KIF14: variants seen among roughly 807,000 people sequenced by gnomAD.
The protein encoded by KIF14 is kinesin family member 14.
KIF14 carries 98 observed loss-of-function variants against 176.2 expected under a neutral mutation model. The ratio of observed to expected loss-of-function variants is 0.56; its 90% CI spans 0.47 to 0.66. KIF14 has a LOEUF of 0.66. Among genes scored for constraint, KIF14 ranks in the 30% least tolerant of loss-of-function variants. The probability of loss-of-function intolerance (pLI) is 0.00; values close to 1 mark genes in which losing one functional copy is unlikely to be tolerated. For synonymous variants in KIF14, 566 were observed against 632.2 expected (o/e 0.90, Z 1.57); for missense variants, 1,751 against 1,920.4 (o/e 0.91, Z 1.65).
intron 14 of KIF14, 121 bp downstream of exon 14, chr1:200,598,092 GAATGTATGTTTTTCCTGACTAAAC>G: frequency 1.5e-6 from 1 of 658,560 alleles, no homozygotes. Flanking sequence ...AACACACTCA[GAATGTATGTTTTTCCTGACTAAAC>G]AATGGGTTTG....
Position 200,603,227 on chromosome 1 carries a change from A to G in KIF14, c.1978T>C (p.Trp660Arg), listed in dbSNP as rs1219620645. Residue 660 changes from tryptophan (W) to arginine (R), a missense_variant and splice_region_variant, in exon 10 of 30, where the codon TGG becomes CGG. By Grantham distance (101) the Trp-to-Arg change is moderately radical. Coordinates refer to ENST00000367350, the MANE Select transcript of KIF14 (RefSeq NM_014875.3). The part of the protein sequence containing the change: ...FIPYRESVLT[W>R]LLKESLGGNS... ...CTTTATACTTCAAAAGATACTTGCC[A>G]TGTAAGAACAGATTCACGATAAGGA... The G allele has an allele frequency of 1.0e-5, 16 of 1,542,848 alleles. No homozygotes were observed. Among genetic ancestry groups the G allele is most frequent in the African/African-American group, 1.4e-5 (1 of 73,784 alleles).
chr1:200,584,928 T>C (rs1385157040), intron 19 of KIF14, among the ~76,000 whole-genome samples: 2 of 152,210 alleles, frequency 1.3e-5, no homozygotes, highest in African/African-American at 4.8e-5. Context: ...ATAGACGACA[T>C]GATCTTATAT....
intron 9 of KIF14, 116 bp downstream of exon 9, chr1:200,603,723 A>G (rs1222299837): frequency 1.5e-6 from 1 of 667,802 alleles, no homozygotes; most frequent in Non-Finnish European, 2.7e-6. Flanking sequence ...AATGCAGTCT[A>G]TAAACTGCAG....
intron 4 of KIF14, among the ~76,000 whole-genome samples, chr1:200,611,203 A>G (rs761024885): frequency 1.3e-5 from 2 of 152,216 alleles, no homozygotes; most frequent in Non-Finnish European, 2.9e-5. Context: ...CAAGCATCTA[A>G]CAGAATTGGA....
Position 200,615,443 on chromosome 1 carries a change from G to T in KIF14, c.1279C>A (p.Leu427Ile). 1 of 1,614,066 alleles carries T rather than the reference G, an allele frequency of 6.2e-7. No individual in the cohort carries two copies. The highest frequency in any genetic ancestry group is 8.5e-7 in the Non-Finnish European group (1 of 1,179,924). Reference protein sequence around the residue: ...YASQTTVYEKLAAPLLERAFE... With the variant: ...YASQTTVYEKIAAPLLERAFE... ...GCTCTTTCTAGGAGTGGTGCTGCTA[G>T]CTTCTCATAGACAGTTGTCTGGCTA... The change falls in exon 3 of 30, where the codon CTA (leucine) becomes ATA (isoleucine). Residue 427 changes from leucine (L) to isoleucine (I), a missense_variant. Coordinates refer to ENST00000367350, the MANE Select transcript of KIF14 (RefSeq NM_014875.3).
In KIF14 at chr1:200,552,905, TAAAA is replaced by T. The variant is rs59952024; in HGVS notation, c.*479_*482del. On this transcript the variant is annotated 3_prime_UTR_variant, in exon 30 of 30. Coordinates refer to ENST00000367350, the MANE Select transcript of KIF14 (RefSeq NM_014875.3). ...ATACCAATGTTAAACACTTTAAAGA[TAAAA>T]ATATATTTTATTTATTTATTTATTT... 1.0e-5 allele frequency: 1 copy of T among 98,932 alleles called. No homozygotes were observed. The highest frequency in any genetic ancestry group is 5.5e-5 in the African/African-American group (1 of 18,048). The allele number at this position is 98,932 out of a possible 1,614,324, so 6.1% of individuals were successfully genotyped here. A position where few individuals can be genotyped will look rare whatever the true frequency, so the allele number is the denominator to read the frequency against.
At chr1:200,600,525 C>T (rs375611391) in intron 11 of KIF14, 22 bp from the exon 12 acceptor site, 3 of 1,549,950 alleles carry the variant, frequency 1.9e-6, no homozygotes, top group Non-Finnish European at 2.7e-6. Context: ...TACAAAGATG[C>T]ATTAATAATA....
Position 200,580,380 on chromosome 1 carries a change from A to G in KIF14, c.3339T>C (p.His1113=), listed in dbSNP as rs1165278079. Residue 1113 remains histidine (H), a synonymous_variant, in exon 21 of 30, where the codon CAT becomes CAC. Transcript: ENST00000367350. ...KLKTYYVFGR[H]DISDKSSSDT... Reference sequence around the variant, plus strand: ...CAGAACTACTTTTATCTGATATATCATGTCTGAAAGAAAAATAAACAAAAA... The same window carrying G: ...CAGAACTACTTTTATCTGATATATCGTGTCTGAAAGAAAAATAAACAAAAA... 1.4e-6 allele frequency: 2 copies of G among 1,468,172 alleles called. No homozygotes were observed. The highest frequency in any genetic ancestry group is 1.8e-6 in the Non-Finnish European group (2 of 1,105,810). The allele number at this position is 1,468,172 out of a possible 1,614,324, so 90.9% of individuals were successfully genotyped here. A position where few individuals can be genotyped will look rare whatever the true frequency, so the allele number is the denominator to read the frequency against.
intron 26 of KIF14, 77 bp from the exon 27 acceptor site, chr1:200,559,529 T>C (rs1431087994): frequency 3.9e-6 from 3 of 761,500 alleles, no homozygotes; most frequent in Admixed American, 4.0e-5. Flanking sequence ...AGGTTTTATA[T>C]ATTTTAAATT....
chr1:200,555,409 G>A lies in KIF14; in HGVS notation c.4399C>T (p.Leu1467Phe). Residue 1467 changes from leucine (L) to phenylalanine (F), a missense_variant, in exon 28 of 30, where the codon CTT (leucine) becomes TTT (phenylalanine). Coordinates refer to ENST00000367350, the MANE Select transcript of KIF14 (RefSeq NM_014875.3). ...KTNAMGLIRS[L>F]ENIFAESKIK... is the part of the protein sequence containing the mutation. ...TTCGATTCAGCAAAGATGTTTTCAAGAGATCTAATCAATCCCATGGCATTA... is the reference window on the plus strand; with the variant it reads ...TTCGATTCAGCAAAGATGTTTTCAAAAGATCTAATCAATCCCATGGCATTA... 1 of 1,580,966 alleles carries A rather than the reference G, an allele frequency of 6.3e-7. No individual in the cohort carries two copies. The highest frequency in any genetic ancestry group is 8.6e-7 in the Non-Finnish European group (1 of 1,163,430).
chr1:200,579,331 G>C (rs1054753969), intron 21 of KIF14, among the ~76,000 whole-genome samples: 1 of 151,906 alleles, frequency 6.6e-6, no homozygotes, highest in African/African-American at 2.4e-5. Context: ...ATAAGCCCAG[G>C]CATGGTGGCT....
At position 200,572,565 on chromosome 1, in the gene KIF14, A is replaced by G. The variant is rs367970534; in HGVS notation, c.3567-2560T>C. On this transcript the variant is annotated intron_variant, in intron 22 of 29. Transcript: ENST00000367350. ...TCACCGTGTTAGCCAGGATGGTCTCAATCTCCTGACCTTGTGATCCGCCCA... is the reference window on the plus strand; with the variant it reads ...TCACCGTGTTAGCCAGGATGGTCTCGATCTCCTGACCTTGTGATCCGCCCA... Among the ~76,000 whole-genome samples, 103 of 152,190 alleles carry G rather than the reference A, an allele frequency of 6.8e-4. No individual in the cohort carries two copies. The Middle Eastern group carries it at 0.01, about 15-fold the overall frequency.
chr1:200,583,332 CAGAGAA>C (rs562236102), intron 19 of KIF14, among the ~76,000 whole-genome samples: 2 of 151,766 alleles, frequency 1.3e-5, no homozygotes, highest in African/African-American at 2.4e-5. Context: ...AAAAGAGTGA[CAGAGAA>C]AGAGAGAGAG....
At chr1:200,597,649 T>C (rs1009815508) in intron 14 of KIF14, among the ~76,000 whole-genome samples, 1 of 151,154 alleles carries the variant, frequency 6.6e-6, no homozygotes, top group Non-Finnish European at 1.5e-5. Context: ...GCTACTAAAG[T>C]TGAATATGCA....
In KIF14 at chr1:200,600,382, C is replaced by T. The variant is rs1659565383; in HGVS notation, c.2274G>A (p.Gln758=). The T allele has an allele frequency of 1.9e-6, 3 of 1,613,932 alleles. No individual in the cohort carries two copies. The highest frequency in any genetic ancestry group is 1.7e-4 in the Middle Eastern group (1 of 6,060). ...ITSLRMKLHQ[Q]ERDMAEMQRV... ...TTTGCATTTCTGCCATGTCTCTCTC[C>T]TGTTGATGCAGTTTCATTCTTAAGG... Residue 758 remains glutamine (Q), a synonymous_variant, in exon 12 of 30, where the codon CAG becomes CAA. Transcript: ENST00000367350.
chr1:200,593,904 A>C (rs1659179554), intron 14 of KIF14, 135 bp from the exon 15 acceptor site: 1 of 401,326 alleles, frequency 2.5e-6, no homozygotes, highest in Admixed American at 4.4e-5. Context: ...ATAATTTAAA[A>C]TTATTTTATT....
At chr1:200,575,258 A>G (rs1480188796) in intron 22 of KIF14, among the ~76,000 whole-genome samples, 1 of 152,064 alleles carries the variant, frequency 6.6e-6, no homozygotes, top group Non-Finnish European at 1.5e-5. Flanking sequence ...ACCTGGCCAG[A>G]GAAAATAATT....
At chr1:200,594,368 CAAAAAAAAAAAAAA>C (rs371729211) in intron 14 of KIF14, among the ~76,000 whole-genome samples, 1 of 92,516 alleles carries the variant, frequency 1.1e-5, no homozygotes, top group Non-Finnish European at 2.0e-5. Context: ...CCCAAAAATT[CAAAAAAAAAAAAAA>C]AAAAAAAAAA....
At chr1:200,576,427 G>A (rs1341966132) in intron 21 of KIF14, among the ~76,000 whole-genome samples, 2 of 147,512 alleles carry the variant, frequency 1.4e-5, no homozygotes, top group African/African-American at 5.0e-5. Context: ...GCAGTGAGCC[G>A]AGATCGCGCC....
Sources: allele counts gnomAD v4.1 joint callset (sites outside exome capture counted in the v4.1 genomes callset), GRCh38; gene constraint gnomAD v4.1.1; transcripts MANE v1.5; gene names NCBI Gene and HGNC (gene_info 2026-07-23, HGNC 2026-07-21).